SSBP2: variants seen among roughly 807,000 people sequenced by gnomAD.
SSBP2 encodes the protein single-stranded DNA-binding protein 2.
A neutral mutation model predicts 61.8 loss-of-function variants in SSBP2; 17 were observed. That is an observed-to-expected ratio of 0.28 (90% CI 0.19 to 0.41). SSBP2 has a LOEUF of 0.41. Ranked by LOEUF, SSBP2 falls within the 10% of genes least tolerant of loss-of-function variation. SSBP2 has a pLI of 1.00. For missense variants in SSBP2, 310 were observed against 458.7 expected, an observed-to-expected ratio of 0.68 and a Z score of 2.96; for synonymous variants, 139 against 141.3, an observed-to-expected ratio of 0.98 and a Z score of 0.12.
intron 4 of SSBP2, among the ~76,000 whole-genome samples, chr5:81,576,043 A>G (rs1254016322): frequency 1.3e-5 from 2 of 152,202 alleles, no homozygotes; most frequent in African/African-American, 2.4e-5. Context: ...ATGTAAAAGA[A>G]GAGATAACTG....
intron 10 of SSBP2, among the ~76,000 whole-genome samples, chr5:81,451,530 G>A (rs1271727299): frequency 2.6e-5 from 4 of 152,074 alleles, no homozygotes; most frequent in Admixed American, 2.0e-4. Context: ...GGGTTCAAGC[G>A]ATTGTCCTGC....
At chr5:81,706,149 TA>T (rs1240840875) in intron 1 of SSBP2, among the ~76,000 whole-genome samples, 6 of 152,090 alleles carry the variant, frequency 3.9e-5, no homozygotes, top group Middle Eastern at 6.8e-3. Flanking sequence ...TACACAGCCA[TA>T]AAAAAAGAGA....
chr5:81,650,435 T>C, intron 1 of SSBP2, 96 bp from the exon 2 acceptor site: 1 of 732,156 alleles, frequency 1.4e-6, no homozygotes, highest in East Asian at 3.2e-5. Flanking sequence ...TCTTACACAC[T>C]AACAGTGACC....
intron 15 of SSBP2, among the ~76,000 whole-genome samples, chr5:81,431,242 A>G (rs1348607093): frequency 6.6e-6 from 1 of 152,180 alleles, no homozygotes; most frequent in Non-Finnish European, 1.5e-5. Context: ...TTCAGCACAA[A>G]AGAGTACAAG....
Position 81,474,557 on chromosome 5 carries a change from A to G in SSBP2, c.438T>C (p.Leu146=). The change falls in exon 7 of 17, where the codon CTT becomes CTC. Residue 146 remains leucine, a synonymous_variant. Coordinates refer to ENST00000320672, the MANE Select transcript of SSBP2 (RefSeq NM_012446.5). ...ATGGCTGACTTCCTGGGACACCTCC[A>G]AGTGCCTAGCAATTTATTAAGAAAA... 1 of 1,608,004 alleles carries G rather than the reference A, an allele frequency of 6.2e-7. No individual in the cohort carries two copies. The highest frequency in any genetic ancestry group is 1.1e-5 in the South Asian group (1 of 90,146).
chr5:81,597,958 G>A (rs1743955095), intron 4 of SSBP2, among the ~76,000 whole-genome samples: 1 of 151,824 alleles, frequency 6.6e-6, no homozygotes, highest in African/African-American at 2.4e-5. Context: ...GTATACATAT[G>A]TAACAAACCT....
chr5:81,563,680 T>C (rs984402872), intron 4 of SSBP2, among the ~76,000 whole-genome samples: 1 of 152,066 alleles, frequency 6.6e-6, no homozygotes, highest in South Asian at 2.1e-4. Context: ...CTATAAATAG[T>C]GCTGAGGAAA....
chr5:81,428,007 G>A (rs1346030684), intron 16 of SSBP2, among the ~76,000 whole-genome samples: 1 of 152,160 alleles, frequency 6.6e-6, no homozygotes, highest in Non-Finnish European at 1.5e-5. Context: ...ATATTGCCTT[G>A]GCATGTGGTA....
intron 16 of SSBP2, among the ~76,000 whole-genome samples, chr5:81,424,835 T>C (rs1466766373): frequency 6.6e-6 from 1 of 152,224 alleles, no homozygotes; most frequent in Non-Finnish European, 1.5e-5. Context: ...ACATAAAATA[T>C]TCATGGTGTA....
intron 3 of SSBP2, among the ~76,000 whole-genome samples, chr5:81,633,402 C>A (rs1279175789): frequency 6.6e-6 from 1 of 152,096 alleles, no homozygotes; most frequent in Non-Finnish European, 1.5e-5. Flanking sequence ...AGGCATGAGC[C>A]ACCATACCTG....
chr5:81,751,497 A>T (rs1757776923), upstream of SSBP2, among the ~76,000 whole-genome samples: 2 of 151,754 alleles, frequency 1.3e-5, no homozygotes, highest in African/African-American at 4.8e-5. Flanking sequence ...GGAGGAGGAG[A>T]AACTGCGGCC....
chr5:81,486,351 G>T lies in SSBP2; in HGVS notation c.432+2899C>A, dbSNP rs542047958. On this transcript the variant is annotated intron_variant, in intron 6 of 16. Transcript: ENST00000320672. ...AAGTGTTCATTTTGTTAGTCTCTAC[G>T]GAACCTAGGATATGGAACCTAGGAT... Among the ~76,000 whole-genome samples, 788 of 152,084 alleles carry T rather than the reference G, an allele frequency of 5.2e-3. 5 individuals are homozygous for T. The highest frequency in any genetic ancestry group is 0.017 in the Middle Eastern group (5 of 294).
chr5:81,655,510 GA>G (rs1750138531), intron 1 of SSBP2, among the ~76,000 whole-genome samples: 1 of 152,032 alleles, frequency 6.6e-6, no homozygotes. Flanking sequence ...TTTTAAACTG[GA>G]TATCAGTGAC....
intron 4 of SSBP2, among the ~76,000 whole-genome samples, chr5:81,612,414 A>G (rs904088151): frequency 6.6e-6 from 1 of 152,114 alleles, no homozygotes; most frequent in African/African-American, 2.4e-5. Flanking sequence ...AACTTTCCTG[A>G]ATGTGAAATA....
chr5:81,687,774 A>C (rs1487451819), intron 1 of SSBP2, among the ~76,000 whole-genome samples: 1 of 152,152 alleles, frequency 6.6e-6, no homozygotes, highest in South Asian at 2.1e-4. Context: ...CACTGTCTTG[A>C]AGGGAAGAAC....
intron 4 of SSBP2, among the ~76,000 whole-genome samples, chr5:81,539,826 TG>T (rs1771110019): frequency 6.6e-6 from 1 of 152,156 alleles, no homozygotes; most frequent in Non-Finnish European, 1.5e-5. Flanking sequence ...ACACGTGCCA[TG>T]GAAGTTTGCT....
At chr5:81,684,479 T>C (rs921282836) in intron 1 of SSBP2, among the ~76,000 whole-genome samples, 51 of 152,084 alleles carry the variant, frequency 3.4e-4, no homozygotes, top group African/African-American at 1.2e-3. Flanking sequence ...AGGGTATTTT[T>C]AGGGTAGTAA....
intron 4 of SSBP2, among the ~76,000 whole-genome samples, chr5:81,613,391 G>A (rs1193259147): frequency 1.3e-5 from 2 of 152,010 alleles, no homozygotes; most frequent in East Asian, 3.9e-4. Context: ...CTATTTAAGT[G>A]TATTTCTAAA....
intron 1 of SSBP2, among the ~76,000 whole-genome samples, chr5:81,692,550 G>A (rs1753284197): frequency 1.3e-5 from 2 of 152,080 alleles, no homozygotes; most frequent in Non-Finnish European, 2.9e-5. Flanking sequence ...AATAGGCAAA[G>A]CTATCCTGAG....
Sources: allele counts gnomAD v4.1 joint callset (sites outside exome capture counted in the v4.1 genomes callset), GRCh38; gene constraint gnomAD v4.1.1; transcripts MANE v1.5; gene names NCBI Gene and HGNC (gene_info 2026-07-23, HGNC 2026-07-21).